NPEPL1: variants seen among roughly 807,000 people sequenced by gnomAD.
NPEPL1 encodes the protein probable aminopeptidase NPEPL1.
NPEPL1 carries 45 observed loss-of-function variants against 52.4 expected under a neutral mutation model. That is an observed-to-expected ratio of 0.86 (90% confidence interval 0.68 to 1.10). NPEPL1 has a LOEUF of 1.10. NPEPL1 is among the 50% of genes least tolerant of loss of function. NPEPL1 has a pLI of 0.00. For missense variants in NPEPL1, 696 were observed against 710.9 expected (o/e 0.98, Z 0.24); for synonymous variants, 360 against 314.7 (o/e 1.14, Z -1.52).
rs1231667338 is a variant in NPEPL1, at chr20:58,699,981, GCTGGGGCTGCAGTCATCTGAGGGCTTGC to G, written c.679+713_679+740del. Reference sequence around the variant, plus strand: ...TCTGCCTGCTGTTGTCAGGTTGTTGGCTGGGGCTGCAGTCATCTGAGGGCTTGCCTGGGGCTGGCGATGTGCTTCCGGG... The same window carrying G: ...TCTGCCTGCTGTTGTCAGGTTGTTGGCTGGGGCTGGCGATGTGCTTCCGGG... On this transcript the variant is annotated intron_variant, in intron 5 of 11. Coordinates refer to ENST00000356091, the MANE Select transcript of NPEPL1 (RefSeq NM_024663.4). 3.9e-5 allele frequency among the ~76,000 whole-genome samples: 6 copies of G among 152,352 alleles called. No individual in the cohort carries two copies. In the East Asian group the frequency reaches 1.2e-3, roughly 29 times the overall value.
At chr20:58,707,063 C>A in intron 6 of NPEPL1, 60 bp from the exon 7 acceptor site, 1 of 1,514,796 alleles carries the variant, frequency 6.6e-7, no homozygotes, top group Non-Finnish European at 9.0e-7. Context: ...GGGGGGCTTC[C>A]GCTGCCAGGC....
intron 3 of NPEPL1, among the ~76,000 whole-genome samples, chr20:58,697,216 C>T (rs1203264944): frequency 6.6e-6 from 1 of 152,256 alleles, no homozygotes; most frequent in Non-Finnish European, 1.5e-5. Flanking sequence ...TTCCCCAGTG[C>T]AGCATGGCTG....
intron 6 of NPEPL1, 125 bp from the exon 7 acceptor site, chr20:58,706,998 C>A: frequency 2.1e-6 from 2 of 967,794 alleles, no homozygotes; most frequent in South Asian, 1.4e-5. Flanking sequence ...GGTGTGGGGG[C>A]TGCCCAGGCC....
At chr20:58,694,154 T>A (rs7362703) in intron 2 of NPEPL1, among the ~76,000 whole-genome samples, 50,984 of 152,074 alleles carry the variant, frequency 0.34, 9,105 homozygotes, top group East Asian at 0.4. Context: ...AGGCCCACTT[T>A]GTGTCTGTCC....
At chr20:58,708,408 T>G (rs1003213761) in intron 7 of NPEPL1, among the ~76,000 whole-genome samples, 4 of 152,014 alleles carry the variant, frequency 2.6e-5, no homozygotes, top group African/African-American at 9.7e-5. Context: ...CAGGAGGGGC[T>G]GGCAGGCCCT....
At chr20:58,708,895 C>T (rs753532191) in intron 7 of NPEPL1, among the ~76,000 whole-genome samples, 5 of 151,794 alleles carry the variant, frequency 3.3e-5, no homozygotes, top group African/African-American at 4.9e-5. Flanking sequence ...CTGGAGGAGC[C>T]GTGTGGCCAG....
At chr20:58,703,793 TCAGGG>T in intron 6 of NPEPL1, 9 of 984,754 alleles carry the variant, frequency 9.1e-6, no homozygotes, top group Non-Finnish European at 9.6e-6. Flanking sequence ...TGCACAGCCT[TCAGGG>T]AAGCTGTGGT....
intron 7 of NPEPL1, 92 bp from the exon 8 acceptor site, chr20:58,712,387 G>C: frequency 1.3e-6 from 1 of 791,552 alleles, no homozygotes; most frequent in East Asian, 2.5e-5. Context: ...TCTCTCTCCT[G>C]CTGTCTGTGG....
chr20:58,700,910 G>A (rs754562864), intron 5 of NPEPL1, 106 bp from the exon 6 acceptor site: 75 of 1,201,656 alleles, frequency 6.2e-5, no homozygotes, highest in Non-Finnish European at 7.8e-5. Flanking sequence ...TCAGGCAGGC[G>A]GCTCTCCAGG....
chr20:58,712,874 C>T (rs1302033926), intron 8 of NPEPL1: 1 of 471,386 alleles, frequency 2.1e-6, no homozygotes, highest in Non-Finnish European at 4.0e-6. Flanking sequence ...GGCCTGAAAT[C>T]TTTGGGTGTG....
intron 7 of NPEPL1, among the ~76,000 whole-genome samples, chr20:58,709,945 T>A (rs1249903583): frequency 1.3e-5 from 2 of 151,718 alleles, no homozygotes; most frequent in African/African-American, 4.8e-5. Context: ...TGGTGATTAC[T>A]ACCCCCTGCT....
upstream of NPEPL1, chr20:58,691,994 CG>C (rs2084358693): frequency 1.6e-6 from 1 of 633,664 alleles, no homozygotes; most frequent in African/African-American, 1.8e-5. Flanking sequence ...CCCACACCCC[CG>C]ATGGCCTTTC....
chr20:58,697,046 C>G (rs769916043), intron 3 of NPEPL1, among the ~76,000 whole-genome samples: 10 of 152,264 alleles, frequency 6.6e-5, no homozygotes, highest in Non-Finnish European at 1.2e-4. Flanking sequence ...CCTCTGCATC[C>G]TGTGGCCTCA....
Position 58,715,480 on chromosome 20 carries a change from CT to C in NPEPL1, c.*156del. ...AAACAGCTGAAGTTTTAGGAGACAG[CT>C]TAGGGTTTGGTGCGGGCCACGGGGA... On this transcript the variant is annotated 3_prime_UTR_variant, in exon 12 of 12. Transcript: ENST00000356091. 1 of 837,060 alleles carries C rather than the reference CT, an allele frequency of 1.2e-6. No homozygotes were observed. Among genetic ancestry groups the C allele is most frequent in the Non-Finnish European group, 1.7e-6 (1 of 572,010 alleles). The allele number at this position is 837,060 out of a possible 1,614,324, so 51.9% of individuals were successfully genotyped here.
upstream of NPEPL1, among the ~76,000 whole-genome samples, chr20:58,690,741 G>A (rs2084330800): frequency 1.3e-5 from 2 of 152,194 alleles, no homozygotes; most frequent in African/African-American, 2.4e-5. Flanking sequence ...TCTGGGGACT[G>A]TCAGGGTTAT....
chr20:58,714,341 A>G (rs2084914328), intron 10 of NPEPL1: 1 of 606,014 alleles, frequency 1.7e-6, no homozygotes, highest in South Asian at 2.1e-5. Context: ...CAGTTGCCCC[A>G]TCAGGCCCTT....
upstream of NPEPL1, chr20:58,691,486 G>T (rs1307431227): frequency 1.5e-6 from 1 of 664,636 alleles, no homozygotes; most frequent in East Asian, 2.8e-5. Context: ...TGAAGCTCTA[G>T]TCTGTGGTGT....
chr20:58,712,112 C>CGTGT (rs3040648), intron 7 of NPEPL1, among the ~76,000 whole-genome samples: 2,151 of 84,552 alleles, frequency 0.025, 60 homozygotes, highest in African/African-American at 0.051. Context: ...TGTGTGTGTA[C>CGTGT]GTGTGTGTGT....
In NPEPL1 at chr20:58,693,002, GC is replaced by G; in HGVS notation, c.105del (p.Trp36GlyfsTer21). ...LGQLHHLHRV[P>X]WSHVRGKLQP... ...GGCAGCTGCACCACCTGCACCGCGT[GC>G]CCTGGAGCCACGTCCGCGGGAAGCT... On this transcript the variant is annotated frameshift_variant, in exon 1 of 12. Coordinates refer to ENST00000356091, the MANE Select transcript of NPEPL1 (RefSeq NM_024663.4). LOFTEE classifies it high-confidence loss of function. 1.8e-6 allele frequency: 2 copies of G among 1,138,426 alleles called. No individual in the cohort carries two copies. The allele number at this position is 1,138,426 out of a possible 1,614,324, so 70.5% of individuals were successfully genotyped here.
Sources: allele counts gnomAD v4.1 joint callset (sites outside exome capture counted in the v4.1 genomes callset), GRCh38; gene constraint gnomAD v4.1.1; transcripts MANE v1.5; gene names NCBI Gene and HGNC (gene_info 2026-07-23, HGNC 2026-07-21).